Variants in L3MBTL4 observed in about 807,000 individuals in gnomAD.
The protein encoded by L3MBTL4 is L3MBTL histone methyl-lysine binding protein 4.
Under a neutral mutation model 84.5 loss-of-function variants are expected in L3MBTL4, and 70 were observed. The ratio of observed to expected loss-of-function variants is 0.83; its 90% CI spans 0.68 to 1.01. The LOEUF (loss-of-function observed/expected upper bound fraction) is 1.01, where lower values mean the gene tolerates loss of function less well. L3MBTL4 is among the 50% of genes least tolerant of loss of function. The probability of loss-of-function intolerance (pLI) is 0.00; values close to 1 mark genes in which losing one functional copy is unlikely to be tolerated. For missense variants in L3MBTL4, 715 were observed against 754.8 expected, an observed-to-expected ratio of 0.95 and a Z score of 0.62; for synonymous variants, 274 against 259.8, an observed-to-expected ratio of 1.05 and a Z score of -0.52.
chr18:6,280,066 C>A (rs2049260081), intron 4 of L3MBTL4, among the ~76,000 whole-genome samples: 1 of 152,154 alleles, frequency 6.6e-6, no homozygotes, highest in Non-Finnish European at 1.5e-5. Flanking sequence ...AAAATCATAT[C>A]TCAACTCCAC....
At chr18:6,063,705 A>AT (rs547409498) in intron 16 of L3MBTL4, among the ~76,000 whole-genome samples, 25 of 149,994 alleles carry the variant, frequency 1.7e-4, no homozygotes, top group African/African-American at 4.9e-4. Context: ...TGAGATTATT[A>AT]TTTTTTTTTC....
Position 5,997,067 on chromosome 18 carries a change from A to G in L3MBTL4, c.1445-27505T>C, listed in dbSNP as rs1295192566. On this transcript the variant is annotated intron_variant, in intron 16 of 18. Coordinates refer to ENST00000317931, the MANE Select transcript of L3MBTL4 (RefSeq NM_001330559.2). Reference sequence around the variant, plus strand: ...AAAATACTTGGGAAAAAACTAAACAATAAAAAACATTACAATAGTAAAAAC... The same window carrying G: ...AAAATACTTGGGAAAAAACTAAACAGTAAAAAACATTACAATAGTAAAAAC... Among the ~76,000 whole-genome samples the G allele has an allele frequency of 1.3e-4, 20 of 151,036 alleles. 1 individual carries two copies. The highest frequency in any genetic ancestry group is 1.3e-3 in the Admixed American group (20 of 15,252).
chr18:6,003,494 T>C (rs7239905), intron 16 of L3MBTL4, among the ~76,000 whole-genome samples: 7,934 of 151,982 alleles, frequency 0.052, 485 homozygotes, highest in Admixed American at 0.17. Flanking sequence ...AATGGATAGA[T>C]CAACCAAATA....
intron 4 of L3MBTL4, among the ~76,000 whole-genome samples, chr18:6,298,739 TG>T (rs2050209773): frequency 6.6e-6 from 1 of 152,058 alleles, no homozygotes; most frequent in African/African-American, 2.4e-5. Flanking sequence ...CCAGGCGTGG[TG>T]GCAGGCACCT....
chr18:6,080,904 A>G lies in L3MBTL4; in HGVS notation c.1421T>C (p.Ile474Thr), dbSNP rs138175239. Residue 474 changes from isoleucine to threonine, a missense_variant, in exon 16 of 19, where the codon ATT (isoleucine) becomes ACT (threonine). Coordinates refer to ENST00000317931, the MANE Select transcript of L3MBTL4 (RefSeq NM_001330559.2). ...ACCTCTGAAGAGATTATCCAAGTCAATATCTTCTTTTCCTTTGATTTTCAA... is the reference window on the plus strand; with the variant it reads ...ACCTCTGAAGAGATTATCCAAGTCAGTATCTTCTTTTCCTTTGATTTTCAA... ...KCLKIKGKED[I>T]DLDNLFREYS... 2.4e-5 allele frequency: 38 copies of G among 1,608,394 alleles called. No individual in the cohort carries two copies. Among genetic ancestry groups the G allele is most frequent in the South Asian group, 1.2e-4 (11 of 90,128 alleles).
At chr18:6,352,152 G>A (rs1412834369) in intron 1 of L3MBTL4, among the ~76,000 whole-genome samples, 1 of 152,126 alleles carries the variant, frequency 6.6e-6, no homozygotes, top group Non-Finnish European at 1.5e-5. Flanking sequence ...CTCAAAATGT[G>A]GTCACTCTCA....
chr18:6,194,164 A>G (rs1467769708), intron 12 of L3MBTL4, among the ~76,000 whole-genome samples: 5 of 152,230 alleles, frequency 3.3e-5, no homozygotes, highest in Admixed American at 1.3e-4. Context: ...AGTGAAAGTT[A>G]AACTCCCACC....
rs1030536665 is a variant in L3MBTL4 at position 6,124,043 on chromosome 18, G to A, written c.1199+14151C>T. Among the ~76,000 whole-genome samples the A allele has an allele frequency of 3.3e-5, 5 of 152,162 alleles. No homozygotes were observed. The South Asian group carries it at 6.2e-4, about 19-fold the overall frequency. ...GGTGATGAAGATGGTAAGAACAGAG[G>A]CCAGAAAAGCTGCCCAGGAGGCATA... On this transcript the variant is annotated intron_variant, in intron 14 of 18. Coordinates refer to ENST00000317931, the MANE Select transcript of L3MBTL4 (RefSeq NM_001330559.2).
At chr18:6,401,281 G>A (rs2055500008) in intron 1 of L3MBTL4, among the ~76,000 whole-genome samples, 1 of 152,098 alleles carries the variant, frequency 6.6e-6, no homozygotes, top group Non-Finnish European at 1.5e-5. Flanking sequence ...CTAATTTTTA[G>A]ACTTTATAAG....
At chr18:6,057,495 A>C (rs371413528) in intron 16 of L3MBTL4, among the ~76,000 whole-genome samples, 187 of 152,334 alleles carry the variant, frequency 1.2e-3, no homozygotes, top group African/African-American at 4.0e-3. Flanking sequence ...AAAACTCAGG[A>C]AACTTCTCTC....
intron 10 of L3MBTL4, among the ~76,000 whole-genome samples, chr18:6,233,132 A>G (rs2047067290): frequency 6.6e-6 from 1 of 152,080 alleles, no homozygotes; most frequent in African/African-American, 2.4e-5. Context: ...CTTCACGCTA[A>G]AAACTCTCAA....
intron 16 of L3MBTL4, among the ~76,000 whole-genome samples, chr18:5,995,234 G>A (rs574649417): frequency 6.6e-6 from 1 of 152,348 alleles, no homozygotes; most frequent in East Asian, 1.9e-4. Context: ...AAGGACTTAC[G>A]AAATAACATG....
At chr18:6,177,262 T>C (rs2044263540) in intron 12 of L3MBTL4, among the ~76,000 whole-genome samples, 1 of 152,182 alleles carries the variant, frequency 6.6e-6, no homozygotes, top group South Asian at 2.1e-4. Flanking sequence ...GTGTGCAATG[T>C]CCATAAAACG....
intron 1 of L3MBTL4, among the ~76,000 whole-genome samples, chr18:6,404,226 T>C (rs2055628546): frequency 6.6e-6 from 1 of 152,168 alleles, no homozygotes. Flanking sequence ...AAACCACCTG[T>C]TCCCCCGAAA....
At chr18:6,163,070 G>C (rs997031788) in intron 13 of L3MBTL4, among the ~76,000 whole-genome samples, 1 of 152,090 alleles carries the variant, frequency 6.6e-6, no homozygotes, top group Non-Finnish European at 1.5e-5. Context: ...CAGGAAAGAA[G>C]AGAGAAAAGA....
chr18:6,108,168 G>A (rs1312073198), intron 14 of L3MBTL4, among the ~76,000 whole-genome samples: 4 of 152,132 alleles, frequency 2.6e-5, no homozygotes, highest in Non-Finnish European at 5.9e-5. Context: ...TGCAGTCCAG[G>A]TTGTGGATAG....
intron 12 of L3MBTL4, among the ~76,000 whole-genome samples, chr18:6,176,606 A>T (rs1249933501): frequency 2.0e-5 from 3 of 152,180 alleles, no homozygotes; most frequent in Non-Finnish European, 4.4e-5. Flanking sequence ...AAAACCCAAG[A>T]AGAAAACTTT....
At chr18:6,024,804 G>T (rs113325046) in intron 16 of L3MBTL4, among the ~76,000 whole-genome samples, 1 of 152,088 alleles carries the variant, frequency 6.6e-6, no homozygotes, top group Admixed American at 6.5e-5. Context: ...TATTAAAAAA[G>T]ACCCTCATAT....
chr18:6,206,081 T>G (rs2045862859), intron 12 of L3MBTL4, among the ~76,000 whole-genome samples: 1 of 152,200 alleles, frequency 6.6e-6, no homozygotes, highest in Non-Finnish European at 1.5e-5. Context: ...TTATACTTTT[T>G]GAGCAAATAT....
Sources: allele counts gnomAD v4.1 joint callset (sites outside exome capture counted in the v4.1 genomes callset), GRCh38; gene constraint gnomAD v4.1.1; transcripts MANE v1.5; gene names NCBI Gene and HGNC (gene_info 2026-07-23, HGNC 2026-07-21).